Variants in MAN2A1 observed in about 807,000 individuals in gnomAD.
MAN2A1 encodes the protein mannosidase alpha class 2A member 1.
A neutral mutation model predicts 142.6 loss-of-function variants in MAN2A1; 76 were observed. That is an observed-to-expected ratio of 0.53 (90% CI 0.44 to 0.65). The LOEUF (loss-of-function observed/expected upper bound fraction) is 0.65, where lower values mean the gene tolerates loss of function less well. MAN2A1 is among the 30% of genes least tolerant of loss of function. The probability of loss-of-function intolerance (pLI) is 0.00; values close to 1 mark genes in which losing one functional copy is unlikely to be tolerated. For missense variants in MAN2A1, 1,311 were observed against 1,365.1 expected (o/e 0.96, Z 0.62); for synonymous variants, 559 against 473.2 (o/e 1.18, Z -2.35).
At chr5:109,838,073 A>AG (rs1374204097) in intron 16 of MAN2A1, among the ~76,000 whole-genome samples, 2 of 151,348 alleles carry the variant, frequency 1.3e-5, no homozygotes, top group Non-Finnish European at 2.9e-5. Context: ...AAAAAAAAAA[A>AG]TCCTAGCTCC....
chr5:109,840,559 G>A, intron 16 of MAN2A1: 3 of 506,656 alleles, frequency 5.9e-6, no homozygotes, highest in South Asian at 4.3e-5. Context: ...CAATAAGGCT[G>A]TCTCCTGCTC....
intron 4 of MAN2A1, among the ~76,000 whole-genome samples, chr5:109,731,820 A>G (rs920878431): frequency 7.0e-4 from 105 of 149,214 alleles, no homozygotes; most frequent in African/African-American, 2.4e-3. Flanking sequence ...CGCAATAAAC[A>G]TACATGTGCA....
intron 12 of MAN2A1, among the ~76,000 whole-genome samples, chr5:109,799,594 A>G (rs377048136): frequency 6.1e-4 from 92 of 151,928 alleles, no homozygotes; most frequent in African/African-American, 2.1e-3. Context: ...ATCTCTACTA[A>G]AAATACAAAA....
rs1265976493 is a variant in MAN2A1 at position 109,690,050 on chromosome 5, G to T, written c.-368G>T. The T allele has an allele frequency of 1.3e-5, 3 of 228,414 alleles. No individual in the cohort carries two copies. The highest frequency in any genetic ancestry group is 2.4e-4 in the East Asian group (2 of 8,454). The allele number at this position is 228,414 out of a possible 1,614,324, so 14.1% of individuals were successfully genotyped here. On this transcript the variant is annotated 5_prime_UTR_variant, in exon 1 of 22. Transcript: ENST00000261483. ...CGAGAAAACTTTTCCTGCCGACTCA[G>T]TTGGGGCGGCGGTGGCAGGAAGTGC...
At chr5:109,808,470 T>C (rs892964760) in intron 12 of MAN2A1, among the ~76,000 whole-genome samples, 9 of 152,178 alleles carry the variant, frequency 5.9e-5, no homozygotes, top group African/African-American at 2.2e-4. Flanking sequence ...TATTTAATAA[T>C]GCAACAAACA....
At chr5:109,799,813 G>T (rs948356383) in intron 12 of MAN2A1, among the ~76,000 whole-genome samples, 12 of 150,546 alleles carry the variant, frequency 8.0e-5, no homozygotes, top group African/African-American at 2.9e-4. Flanking sequence ...TCTTGGCCGG[G>T]CATGGTGACT....
At position 109,714,218 on chromosome 5, in the gene MAN2A1, G is replaced by T. The variant is rs533757057; in HGVS notation, c.390+444G>T. ...TTAATATCCTTTTGCAAGAGGGAAG[G>T]GAAATATTCTAGAGCTGTACTTTCC... On this transcript the variant is annotated intron_variant, in intron 2 of 21. Coordinates refer to ENST00000261483, the MANE Select transcript of MAN2A1 (RefSeq NM_002372.4). Among the ~76,000 whole-genome samples, 4 of 151,406 alleles carry T rather than the reference G, an allele frequency of 2.6e-5. No individual in the cohort carries two copies. The South Asian group carries it at 8.3e-4, about 32-fold the overall frequency.
At chr5:109,861,075 C>G (rs1232231457) in intron 20 of MAN2A1, among the ~76,000 whole-genome samples, 2 of 152,118 alleles carry the variant, frequency 1.3e-5, no homozygotes. Context: ...GTCAGATGTC[C>G]TGGGTATGAG....
In MAN2A1 at chr5:109,741,853, T is replaced by C. The variant is rs3797694; in HGVS notation, c.707+12340T>C. On this transcript the variant is annotated intron_variant, in intron 4 of 21. Coordinates refer to ENST00000261483, the MANE Select transcript of MAN2A1 (RefSeq NM_002372.4). The stretch of plus-strand genomic sequence containing the variant: ...TGATCTGAAATAATTTAATCAATTA[T>C]AATCATAGTACCTACTGGTAATACA... Among the ~76,000 whole-genome samples, 1,772 of 152,366 alleles carry C rather than the reference T, an allele frequency of 0.012. 175 individuals carry two copies. In the East Asian group the frequency reaches 0.25, roughly 21 times the overall value.
intron 5 of MAN2A1, among the ~76,000 whole-genome samples, chr5:109,759,873 T>C (rs1752790952): frequency 6.6e-6 from 1 of 152,100 alleles, no homozygotes; most frequent in Non-Finnish European, 1.5e-5. Context: ...TGTTTTGTTG[T>C]GCTTATTGGC....
intron 7 of MAN2A1, among the ~76,000 whole-genome samples, chr5:109,772,116 C>T (rs565183946): frequency 5.3e-5 from 8 of 152,196 alleles, no homozygotes; most frequent in South Asian, 2.1e-4. Context: ...ACTTCTTGGC[C>T]GGGCGCAGTG....
intron 5 of MAN2A1, among the ~76,000 whole-genome samples, chr5:109,765,767 G>A (rs1214584572): frequency 1.3e-5 from 2 of 151,960 alleles, no homozygotes; most frequent in African/African-American, 2.4e-5. Flanking sequence ...GGGTTATAAT[G>A]CATTATTTAT....
chr5:109,780,510 C>CTGTGTGTGTGTGTGTGTGTGTGTG (rs113661582), intron 8 of MAN2A1, among the ~76,000 whole-genome samples: 1 of 143,672 alleles, frequency 7.0e-6, no homozygotes, highest in African/African-American at 2.6e-5. Context: ...CTTGCAATAT[C>CTGTGTGTGTGTGTGTGTGTGTGTG]TGTGTGTGTG....
chr5:109,826,982 G>A (rs1754776165), intron 16 of MAN2A1, among the ~76,000 whole-genome samples: 1 of 152,110 alleles, frequency 6.6e-6, no homozygotes, highest in Admixed American at 6.5e-5. Flanking sequence ...AGCTAGTATT[G>A]CATAAAATAA....
chr5:109,853,701 C>A (rs1429866430), intron 19 of MAN2A1: 1 of 152,140 alleles, frequency 6.6e-6, no homozygotes, highest in Non-Finnish European at 1.5e-5. Context: ...GCAATCCTAA[C>A]TTAGATTATG....
intron 12 of MAN2A1, among the ~76,000 whole-genome samples, chr5:109,793,109 G>A (rs1393322658): frequency 2.6e-5 from 4 of 152,072 alleles, no homozygotes; most frequent in South Asian, 2.1e-4. Context: ...AGTCATCTTC[G>A]GAGACTAGCT....
At chr5:109,847,597 A>T in intron 18 of MAN2A1, 60 bp from the exon 19 acceptor site, 1 of 1,370,684 alleles carries the variant, frequency 7.3e-7, no homozygotes. Context: ...GTGATGCTCA[A>T]TGAATGTCAG....
At chr5:109,705,798 C>T (rs1000754465) in intron 1 of MAN2A1, among the ~76,000 whole-genome samples, 2 of 152,182 alleles carry the variant, frequency 1.3e-5, no homozygotes, top group East Asian at 3.9e-4. Context: ...CCTTTTCCAG[C>T]TTCTGGAGGC....
intron 1 of MAN2A1, chr5:109,699,874 A>G (rs1183355739): frequency 6.6e-6 from 1 of 152,264 alleles, no homozygotes; most frequent in Non-Finnish European, 1.5e-5. Context: ...TAAAAAAAAG[A>G]AAACCAGTAC....
Sources: allele counts gnomAD v4.1 joint callset (sites outside exome capture counted in the v4.1 genomes callset), GRCh38; gene constraint gnomAD v4.1.1; transcripts MANE v1.5; gene names NCBI Gene and HGNC (gene_info 2026-07-23, HGNC 2026-07-21).